ERBB4: variants seen among roughly 807,000 people sequenced by gnomAD.
ERBB4 encodes receptor tyrosine-protein kinase erbB-4.
ERBB4 carries 42 observed loss-of-function variants against 158.0 expected under a neutral mutation model. That is an observed-to-expected ratio of 0.27 (90% CI 0.21 to 0.34). ERBB4 has a LOEUF of 0.34. Among genes scored for constraint, ERBB4 ranks in the 10% least tolerant of loss-of-function variants. The pLI is 1.00. For synonymous variants in ERBB4, 583 were observed against 558.7 expected, an observed-to-expected ratio of 1.04 and a Z score of -0.61; for missense variants, 1,333 against 1,624.1, an observed-to-expected ratio of 0.82 and a Z score of 3.08.
intron 3 of ERBB4, among the ~76,000 whole-genome samples, chr2:211,802,983 C>T (rs1275859879): frequency 6.6e-6 from 1 of 152,100 alleles, no homozygotes; most frequent in Non-Finnish European, 1.5e-5. Context: ...TAATAAGATG[C>T]GATCCAAAAG....
intron 2 of ERBB4, among the ~76,000 whole-genome samples, chr2:212,049,836 C>T (rs951832520): frequency 5.3e-5 from 8 of 152,254 alleles, no homozygotes; most frequent in South Asian, 2.1e-4. Context: ...TCAGAAAGAA[C>T]GATTCCACCA....
At chr2:211,587,231 C>T (rs2068310363) in intron 19 of ERBB4, among the ~76,000 whole-genome samples, 1 of 151,902 alleles carries the variant, frequency 6.6e-6, no homozygotes, top group African/African-American at 2.4e-5. Context: ...TGGCGAGCAC[C>T]TGTAATCCCA....
intron 1 of ERBB4, among the ~76,000 whole-genome samples, chr2:212,149,099 G>A (rs2080780888): frequency 6.7e-6 from 1 of 148,362 alleles, no homozygotes; most frequent in Non-Finnish European, 1.5e-5. Context: ...ACACCAGCAT[G>A]GCACATGTAT....
chr2:211,957,500 A>G (rs2081066303), intron 2 of ERBB4, among the ~76,000 whole-genome samples: 1 of 152,124 alleles, frequency 6.6e-6, no homozygotes, highest in African/African-American at 2.4e-5. Flanking sequence ...AAACTAAAAC[A>G]CTGCCTAAGT....
intron 20 of ERBB4, among the ~76,000 whole-genome samples, chr2:211,494,896 A>G (rs529384299): frequency 6.6e-6 from 1 of 152,262 alleles, no homozygotes; most frequent in Admixed American, 6.5e-5. Flanking sequence ...AATAGGAAAT[A>G]TGCCAAAATT....
intron 1 of ERBB4, among the ~76,000 whole-genome samples, chr2:212,368,097 AAAG>A (rs1244608461): frequency 6.6e-6 from 1 of 152,140 alleles, no homozygotes; most frequent in Non-Finnish European, 1.5e-5. Context: ...ACCCAGAGGA[AAAG>A]AAGTCATTTG....
intron 19 of ERBB4, among the ~76,000 whole-genome samples, chr2:211,616,749 A>G (rs989735465): frequency 6.6e-6 from 1 of 152,206 alleles, no homozygotes; most frequent in African/African-American, 2.4e-5. Flanking sequence ...ATAGTAGGAC[A>G]TGTTTCTGCC....
intron 19 of ERBB4, among the ~76,000 whole-genome samples, chr2:211,595,818 G>C (rs1490595235): frequency 6.6e-6 from 1 of 152,156 alleles, no homozygotes; most frequent in Non-Finnish European, 1.5e-5. Context: ...TCAAGTTTTT[G>C]TATACGTGGG....
intron 16 of ERBB4, among the ~76,000 whole-genome samples, chr2:211,631,948 A>G (rs1049144118): frequency 1.3e-5 from 2 of 152,114 alleles, no homozygotes; most frequent in African/African-American, 4.8e-5. Flanking sequence ...CAGAAATAGT[A>G]TGGTGGATGA....
Position 212,206,589 on chromosome 2 carries a change from C to CTTTTTTTTTTTTTTT in ERBB4, c.83-81701_83-81687dup, listed in dbSNP as rs5838309. ...ATGAACTGTCTCCGTCTGTTCTGTT[C>CTTTTTTTTTTTTTTT]TTTTTTTTTTTTTTTTGAGACGGAG... On this transcript the variant is annotated intron_variant, in intron 1 of 27. Transcript: ENST00000342788. Among the ~76,000 whole-genome samples the CTTTTTTTTTTTTTTT allele has an allele frequency of 6.0e-3, 703 of 116,276 alleles. 96 individuals are homozygous for CTTTTTTTTTTTTTTT. The highest frequency in any genetic ancestry group is 0.021 in the African/African-American group (590 of 27,570). The allele number at this position is 116,276 out of a possible 152,430, so 76.3% of individuals were successfully genotyped here. A position where few individuals can be genotyped will look rare whatever the true frequency, so the allele number is the denominator to read the frequency against.
chr2:211,514,103 A>G (rs1320103324), intron 20 of ERBB4, among the ~76,000 whole-genome samples: 2 of 152,012 alleles, frequency 1.3e-5, no homozygotes, highest in Non-Finnish European at 2.9e-5. Context: ...TTTTGTACTC[A>G]TTAGCAAATC....
intron 2 of ERBB4, among the ~76,000 whole-genome samples, chr2:212,091,302 C>A (rs2078768010): frequency 1.3e-5 from 2 of 151,860 alleles, no homozygotes; most frequent in Non-Finnish European, 2.9e-5. Flanking sequence ...TTATTTATTG[C>A]AATAAACTTA....
chr2:211,861,176 T>TC (rs2078038178), intron 3 of ERBB4, among the ~76,000 whole-genome samples: 1 of 81,406 alleles, frequency 1.2e-5, no homozygotes, highest in Non-Finnish European at 2.6e-5. Context: ...TAGTTTTTTT[T>TC]TTTTTTGAGA....
intron 20 of ERBB4, among the ~76,000 whole-genome samples, chr2:211,471,256 C>T (rs866669605): frequency 2.0e-5 from 3 of 152,066 alleles, no homozygotes; most frequent in South Asian, 2.1e-4. Flanking sequence ...AAAGTAGAAC[C>T]TCCAGCCTCA....
At chr2:211,945,527 T>A (rs1388564614) in intron 3 of ERBB4, among the ~76,000 whole-genome samples, 1 of 152,140 alleles carries the variant, frequency 6.6e-6, no homozygotes, top group Non-Finnish European at 1.5e-5. Flanking sequence ...TCTTAATCAC[T>A]TATTAATTAT....
intron 5 of ERBB4, among the ~76,000 whole-genome samples, chr2:211,737,305 C>T (rs921408741): frequency 6.6e-6 from 1 of 152,060 alleles, no homozygotes; most frequent in African/African-American, 2.4e-5. Context: ...ACACAATCTC[C>T]CTTCCTGCCT....
At chr2:212,111,689 G>GC (rs1292309712) in intron 2 of ERBB4, among the ~76,000 whole-genome samples, 1 of 149,254 alleles carries the variant, frequency 6.7e-6, no homozygotes. Flanking sequence ...TCTTATAACT[G>GC]CCCCCCTGCC....
At chr2:212,207,001 A>C (rs1352065964) in intron 1 of ERBB4, among the ~76,000 whole-genome samples, 2 of 152,006 alleles carry the variant, frequency 1.3e-5, no homozygotes, top group African/African-American at 4.8e-5. Context: ...AAGTTTCAAA[A>C]AAAAAAAAAA....
intron 1 of ERBB4, among the ~76,000 whole-genome samples, chr2:212,446,591 G>GTATATATATATATATATATATGTATATA (rs2092355876): frequency 3.6e-5 from 1 of 27,514 alleles, no homozygotes; most frequent in Non-Finnish European, 5.9e-5. Context: ...ATATATATAT[G>GTATATATATATATATATATATGTATATA]TATATATATA....
Sources: allele counts gnomAD v4.1 joint callset (sites outside exome capture counted in the v4.1 genomes callset), GRCh38; gene constraint gnomAD v4.1.1; transcripts MANE v1.5; gene names NCBI Gene and HGNC (gene_info 2026-07-23, HGNC 2026-07-21).